EHD3: variants seen among roughly 807,000 people sequenced by gnomAD.
EHD3 encodes EH domain containing 3, also known as EH domain-containing protein 3.
Under a neutral mutation model 43.0 loss-of-function variants are expected in EHD3, and 17 were observed. That is an observed-to-expected ratio of 0.40 (90% CI 0.27 to 0.59). The LOEUF (loss-of-function observed/expected upper bound fraction) is 0.59, where lower values mean the gene tolerates loss of function less well. Ranked by LOEUF, EHD3 falls within the 20% of genes least tolerant of loss-of-function variation. EHD3 has a pLI of 0.49. For synonymous variants in EHD3, 313 were observed against 289.5 expected, an observed-to-expected ratio of 1.08 and a Z score of -0.82; for missense variants, 594 against 705.6, an observed-to-expected ratio of 0.84 and a Z score of 1.79.
At chr2:31,255,302 G>T (rs1473902025) in intron 3 of EHD3, among the ~76,000 whole-genome samples, 2 of 152,150 alleles carry the variant, frequency 1.3e-5, no homozygotes, top group East Asian at 1.9e-4. Context: ...CTACCGTTGT[G>T]GGTCTCAGAG....
chr2:31,237,149 A>G (rs1683339695), intron 1 of EHD3, among the ~76,000 whole-genome samples: 1 of 152,160 alleles, frequency 6.6e-6, no homozygotes, highest in Non-Finnish European at 1.5e-5. Context: ...GAACCAAATC[A>G]TGTACTTTTC....
intron 2 of EHD3, among the ~76,000 whole-genome samples, chr2:31,248,960 C>G (rs1045765953): frequency 6.6e-6 from 1 of 152,064 alleles, no homozygotes; most frequent in African/African-American, 2.4e-5. Context: ...TCTAAAGAAG[C>G]TAAGGTTCCT....
intron 1 of EHD3, among the ~76,000 whole-genome samples, chr2:31,236,127 T>G (rs907089260): frequency 6.6e-6 from 1 of 152,202 alleles, no homozygotes; most frequent in Admixed American, 6.5e-5. Flanking sequence ...GGTACTAATT[T>G]TCTCTAACAT....
chr2:31,234,704 T>G lies in EHD3; in HGVS notation c.83T>G (p.Leu28Arg). The change falls in exon 1 of 6, where the codon CTC (leucine) becomes CGC (arginine). Residue 28 changes from leucine to arginine, a missense_variant. This residue lies in a region of EHD3 where 243 missense variants were observed against 296.7 expected (regional missense o/e 0.82). Coordinates refer to ENST00000322054, the MANE Select transcript of EHD3 (RefSeq NM_014600.3). ...ACGGTGAGTGAGGGGCTCAAGAAAC[T>G]CTACAAGAGCAAGCTGCTGCCCTTG... ...FQTVSEGLKK[L>R]YKSKLLPLEE... is the part of the protein sequence containing the mutation. 2 of 1,614,138 alleles carry G rather than the reference T, an allele frequency of 1.2e-6. No homozygotes were observed. Among genetic ancestry groups the G allele is most frequent in the Non-Finnish European group, 1.7e-6 (2 of 1,180,024 alleles).
chr2:31,261,850 G>A, intron 5 of EHD3, 137 bp downstream of exon 5: 26 of 865,176 alleles, frequency 3.0e-5, no homozygotes, highest in Middle Eastern at 3.9e-4. Context: ...AGGTGGCCCT[G>A]GATCTACACT....
intron 5 of EHD3, among the ~76,000 whole-genome samples, chr2:31,265,821 G>A (rs1359366614): frequency 6.6e-6 from 1 of 152,144 alleles, no homozygotes; most frequent in Non-Finnish European, 1.5e-5. Context: ...TGATTCAATA[G>A]CCAAAACTGA....
In EHD3 at chr2:31,234,762, G is replaced by C. The variant is rs768096634; in HGVS notation, c.141G>C (p.Ser47=). 8.7e-6 allele frequency: 14 copies of C among 1,614,166 alleles called. No homozygotes were observed. Among genetic ancestry groups the C allele is most frequent in the Middle Eastern group, 1.7e-4 (1 of 6,060 alleles). Residue 47 remains serine, a synonymous_variant, in exon 1 of 6, where the codon TCG becomes TCC. Transcript: ENST00000322054. The part of the protein sequence containing the change: ...EEHYRFHEFH[S]PALEDADFDN... ...ATTACCGCTTCCACGAGTTCCACTC[G>C]CCCGCCCTGGAGGATGCCGACTTCG...
intron 5 of EHD3, among the ~76,000 whole-genome samples, chr2:31,265,953 C>G (rs576042885): frequency 2.0e-5 from 3 of 152,136 alleles, no homozygotes; most frequent in East Asian, 1.9e-4. Context: ...CCTTCTACCC[C>G]CTACTGAAAA....
At chr2:31,234,879 C>A (rs754058269) in intron 1 of EHD3, 31 bp downstream of exon 1, 2 of 1,608,856 alleles carry the variant, frequency 1.2e-6, no homozygotes. Flanking sequence ...GGCAGCCCAC[C>A]CCGGAGCCCA....
chr2:31,238,515 C>G (rs1683361993), intron 1 of EHD3, among the ~76,000 whole-genome samples: 1 of 152,242 alleles, frequency 6.6e-6, no homozygotes, highest in Non-Finnish European at 1.5e-5. Context: ...CCCGGCAACA[C>G]AGAGTAATAA....
chr2:31,240,157 T>C (rs1259924706), intron 1 of EHD3, among the ~76,000 whole-genome samples: 1 of 152,146 alleles, frequency 6.6e-6, no homozygotes, highest in Middle Eastern at 3.2e-3. Flanking sequence ...TTCTCGCTTG[T>C]GTCTGTGGGA....
chr2:31,263,270 A>C (rs1210852370), intron 5 of EHD3, among the ~76,000 whole-genome samples: 2 of 152,188 alleles, frequency 1.3e-5, no homozygotes, highest in African/African-American at 4.8e-5. Context: ...TTAAGAATTT[A>C]ATGATTTGTA....
At chr2:31,255,008 T>C (rs1214992760) in intron 3 of EHD3, among the ~76,000 whole-genome samples, 1 of 152,218 alleles carries the variant, frequency 6.6e-6, no homozygotes, top group African/African-American at 2.4e-5. Context: ...AAGGGGTGGC[T>C]TTCCTTACTG....
At chr2:31,242,955 C>T (rs1021353533) in intron 1 of EHD3, among the ~76,000 whole-genome samples, 6 of 147,942 alleles carry the variant, frequency 4.1e-5, no homozygotes, top group African/African-American at 5.0e-5. Flanking sequence ...AGTGAAACTC[C>T]GTCTCAAATA....
intron 3 of EHD3, among the ~76,000 whole-genome samples, chr2:31,256,223 G>T (rs1439438598): frequency 6.6e-6 from 1 of 152,150 alleles, no homozygotes; most frequent in Non-Finnish European, 1.5e-5. Context: ...AGAAACTAGG[G>T]CTTAAAAGGA....
rs1342814046 is a variant in EHD3 at position 31,269,131 on chromosome 2, TC to T, written c.*2428del. On this transcript the variant is annotated 3_prime_UTR_variant, in exon 6 of 6. Transcript: ENST00000322054. ...CCAGGCTTCAGGGGCCTGGGAGATC[TC>T]ATGCCTCAGCCCAGGAAACATTTAA... 1 of 152,244 alleles carries T rather than the reference TC, an allele frequency of 6.6e-6. No homozygotes were observed. Among genetic ancestry groups the T allele is most frequent in the Non-Finnish European group, 1.5e-5 (1 of 68,056 alleles). 9.4% of individuals were successfully genotyped at this position (152,244 alleles called of 1,614,324 possible). A position where few individuals can be genotyped will look rare whatever the true frequency, so the allele number is the denominator to read the frequency against.
chr2:31,262,734 A>T (rs1683878678), intron 5 of EHD3, among the ~76,000 whole-genome samples: 1 of 152,182 alleles, frequency 6.6e-6, no homozygotes, highest in Admixed American at 6.5e-5. Context: ...CCTGGCCAAC[A>T]TGGCAAAACT....
chr2:31,253,753 C>T (rs989588879), intron 3 of EHD3, among the ~76,000 whole-genome samples: 6 of 152,270 alleles, frequency 3.9e-5, no homozygotes, highest in South Asian at 2.1e-4. Flanking sequence ...GGGAAGAAGG[C>T]TGGGGTGCCC....
At chr2:31,258,785 G>A (rs1018368401) in intron 3 of EHD3, among the ~76,000 whole-genome samples, 7 of 152,362 alleles carry the variant, frequency 4.6e-5, no homozygotes, top group Admixed American at 4.6e-4. Flanking sequence ...GGTATTCAAA[G>A]TGTGGCCCTT....
Sources: gnomAD v4.1 joint callset for allele counts (sites outside exome capture counted in the v4.1 genomes callset) on GRCh38, gnomAD v4.1.1 for gene constraint, gnomAD v4.1.1 regional missense constraint, MANE v1.5 for transcripts, NCBI Gene and HGNC (gene_info 2026-07-23, HGNC 2026-07-21) for gene names.